The following ERBB4 variants were observed in gnomAD, a reference collection of about 807,000 sequenced individuals.
The protein encoded by ERBB4 is erb-b2 receptor tyrosine kinase 4, also known as receptor tyrosine-protein kinase erbB-4.
A neutral mutation model predicts 158.0 loss-of-function variants in ERBB4; 42 were observed. That is an observed-to-expected ratio of 0.27 (90% CI 0.21 to 0.34). The LOEUF (loss-of-function observed/expected upper bound fraction) is 0.34. Ranked by LOEUF, ERBB4 falls within the 10% of genes least tolerant of loss-of-function variation. The probability of loss-of-function intolerance (pLI) is 1.00; values close to 1 mark genes in which losing one functional copy is unlikely to be tolerated. For missense variants in ERBB4, 1,333 were observed against 1,624.1 expected (o/e 0.82, Z 3.08); for synonymous variants, 583 against 558.7 (o/e 1.04, Z -0.61).
chr2:212,519,989 T>C (rs1692063364), intron 1 of ERBB4, among the ~76,000 whole-genome samples: 1 of 151,968 alleles, frequency 6.6e-6, no homozygotes, highest in Non-Finnish European at 1.5e-5. Context: ...TTAATTATTA[T>C]ACAACATATG....
intron 1 of ERBB4, among the ~76,000 whole-genome samples, chr2:212,133,883 C>G (rs2125590131): frequency 6.6e-6 from 1 of 152,254 alleles, no homozygotes; most frequent in African/African-American, 2.4e-5. Context: ...TTTTTAAAAG[C>G]TGAATGAACT....
At chr2:211,598,420 G>A (rs2068701116) in intron 19 of ERBB4, among the ~76,000 whole-genome samples, 1 of 152,190 alleles carries the variant, frequency 6.6e-6, no homozygotes, top group Non-Finnish European at 1.5e-5. Context: ...GGGTGACTCA[G>A]TTGATGGTGT....
At chr2:212,075,252 T>C (rs1031808170) in intron 2 of ERBB4, among the ~76,000 whole-genome samples, 22 of 151,968 alleles carry the variant, frequency 1.4e-4, no homozygotes, top group African/African-American at 5.1e-4. Flanking sequence ...AGACAAGCTA[T>C]ATTTATTGTG....
At chr2:211,424,930 A>C (rs2063592960) in intron 22 of ERBB4, among the ~76,000 whole-genome samples, 1 of 152,140 alleles carries the variant, frequency 6.6e-6, no homozygotes, top group Non-Finnish European at 1.5e-5. Flanking sequence ...GGGGATAGAA[A>C]GTAGTTTATT....
Position 212,215,224 on chromosome 2 carries a change from A to G in ERBB4, c.83-90321T>C, listed in dbSNP as rs537147675. 2.0e-5 allele frequency among the ~76,000 whole-genome samples: 3 copies of G among 151,648 alleles called. No individual in the cohort carries two copies. In the South Asian group the frequency reaches 6.2e-4, roughly 31 times the overall value. ...TTAGGATTTGAACAATCTTCTGTCC[A>G]TATGTAGTAGTTGAAATAAATGGTC... On this transcript the variant is annotated intron_variant, in intron 1 of 27. Transcript: ENST00000342788.
intron 1 of ERBB4, among the ~76,000 whole-genome samples, chr2:212,430,473 C>T (rs2092003363): frequency 1.3e-5 from 2 of 150,554 alleles, no homozygotes; most frequent in East Asian, 1.9e-4. Context: ...TGAAGTCTCG[C>T]TTTGTTGCCC....
intron 1 of ERBB4, among the ~76,000 whole-genome samples, chr2:212,307,923 T>C (rs918280884): frequency 3.3e-5 from 5 of 150,948 alleles, no homozygotes; most frequent in Non-Finnish European, 5.9e-5. Flanking sequence ...CATTGCATCT[T>C]CTCACATGTT....
At chr2:211,941,928 T>G (rs1343259469) in intron 3 of ERBB4, among the ~76,000 whole-genome samples, 1 of 152,136 alleles carries the variant, frequency 6.6e-6, no homozygotes, top group East Asian at 1.9e-4. Flanking sequence ...TTCCCTGCTT[T>G]CTTTCTTTAA....
chr2:212,508,662 C>T (rs1691331579), intron 1 of ERBB4, among the ~76,000 whole-genome samples: 1 of 152,034 alleles, frequency 6.6e-6, no homozygotes, highest in Non-Finnish European at 1.5e-5. Context: ...AATCCAGGGG[C>T]ATCTAAATAT....
chr2:211,516,310 A>T (rs11900052), intron 20 of ERBB4, among the ~76,000 whole-genome samples: 42,751 of 150,982 alleles, frequency 0.28, 6,490 homozygotes, highest in African/African-American at 0.39. Flanking sequence ...GGGTTTGTTA[A>T]AACTTTATTT....
At chr2:211,465,401 C>G (rs560883359) in intron 20 of ERBB4, among the ~76,000 whole-genome samples, 1 of 150,230 alleles carries the variant, frequency 6.7e-6, no homozygotes, top group Non-Finnish European at 1.5e-5. Context: ...AATTTTAATG[C>G]GGCAACAGAA....
chr2:212,117,521 G>A (rs1476835685), intron 2 of ERBB4, among the ~76,000 whole-genome samples: 2 of 152,088 alleles, frequency 1.3e-5, no homozygotes, highest in Non-Finnish European at 2.9e-5. Context: ...GCTTGATACA[G>A]AATTCTCATT....
At chr2:212,097,842 T>C (rs994177411) in intron 2 of ERBB4, among the ~76,000 whole-genome samples, 2 of 152,170 alleles carry the variant, frequency 1.3e-5, no homozygotes, top group Non-Finnish European at 2.9e-5. Flanking sequence ...AGCCATTTCA[T>C]TGAGATTAAA....
At chr2:211,538,440 T>C (rs1321897208) in intron 20 of ERBB4, among the ~76,000 whole-genome samples, 1 of 151,816 alleles carries the variant, frequency 6.6e-6, no homozygotes, top group Non-Finnish European at 1.5e-5. Context: ...ATTTTACTCT[T>C]TCCAGCTTAC....
intron 16 of ERBB4, among the ~76,000 whole-genome samples, chr2:211,655,907 T>C (rs1247614852): frequency 2.0e-5 from 3 of 152,208 alleles, no homozygotes; most frequent in African/African-American, 7.2e-5. Context: ...CGCTTTCTTT[T>C]TAGAATTTAA....
At chr2:212,134,916 G>A (rs1390451325) in intron 1 of ERBB4, among the ~76,000 whole-genome samples, 1 of 151,972 alleles carries the variant, frequency 6.6e-6, no homozygotes, top group Non-Finnish European at 1.5e-5. Context: ...TCGATCTCCT[G>A]ACCTCGTGAT....
chr2:211,753,074 G>A (rs1393422207), intron 4 of ERBB4, among the ~76,000 whole-genome samples: 2 of 152,126 alleles, frequency 1.3e-5, no homozygotes, highest in African/African-American at 4.8e-5. Context: ...CTTCAAAATG[G>A]TGCAAGACAT....
chr2:211,876,989 C>T (rs1452181211), intron 3 of ERBB4, among the ~76,000 whole-genome samples: 1 of 152,122 alleles, frequency 6.6e-6, no homozygotes, highest in Non-Finnish European at 1.5e-5. Context: ...ACTGAAAAGC[C>T]TACTGAGGCA....
intron 1 of ERBB4, among the ~76,000 whole-genome samples, chr2:212,238,194 G>C (rs2083949172): frequency 6.6e-6 from 1 of 152,246 alleles, no homozygotes; most frequent in South Asian, 2.1e-4. Context: ...TTGAAACCCA[G>C]GGCCCTGGTG....
Sources: allele counts gnomAD v4.1 joint callset (sites outside exome capture counted in the v4.1 genomes callset), GRCh38; gene constraint gnomAD v4.1.1; transcripts MANE v1.5; gene names NCBI Gene and HGNC (gene_info 2026-07-23, HGNC 2026-07-21).